Variants in PCBP3 observed in about 807,000 individuals in gnomAD.
PCBP3 encodes the protein poly(rC)-binding protein 3.
A neutral mutation model predicts 52.7 loss-of-function variants in PCBP3; 25 were observed. That is an observed-to-expected ratio of 0.47 (90% confidence interval 0.35 to 0.66). The LOEUF is 0.66. PCBP3 is among the 30% of genes least tolerant of loss of function. PCBP3 has a pLI of 0.01. For missense variants in PCBP3, 391 were observed against 490.3 expected, an observed-to-expected ratio of 0.80 and a Z score of 1.91; for synonymous variants, 162 against 183.0, an observed-to-expected ratio of 0.89 and a Z score of 0.93.
intron 12 of PCBP3, chr21:45,915,046 C>G (rs1335892450): frequency 6.6e-6 from 1 of 152,268 alleles, no homozygotes; most frequent in Non-Finnish European, 1.5e-5. Context: ...TCCCTTCCCT[C>G]CCAGGGTCCC....
intron 4 of PCBP3, among the ~76,000 whole-genome samples, chr21:45,838,353 A>T (rs577761874): frequency 1.1e-4 from 16 of 152,146 alleles, no homozygotes; most frequent in South Asian, 4.2e-4. Flanking sequence ...ATTTTCTTCC[A>T]CAGACCACCT....
At chr21:45,664,612 TTTTC>T (rs931403909) in intron 1 of PCBP3, among the ~76,000 whole-genome samples, 2 of 104,952 alleles carry the variant, frequency 1.9e-5, no homozygotes, top group African/African-American at 3.5e-5. Flanking sequence ...TTAATTTTTT[TTTTC>T]TTTTCTTTTT....
intron 4 of PCBP3, among the ~76,000 whole-genome samples, chr21:45,824,113 G>A (rs2093237398): frequency 6.6e-6 from 1 of 152,164 alleles, no homozygotes; most frequent in African/African-American, 2.4e-5. Flanking sequence ...ATCCTAAAGT[G>A]GCTATTTTTG....
At chr21:45,884,565 C>T (rs1160968594) in intron 5 of PCBP3, among the ~76,000 whole-genome samples, 5 of 151,760 alleles carry the variant, frequency 3.3e-5, no homozygotes, top group Admixed American at 2.0e-4. Context: ...CGTGTGTGTG[C>T]ATGTATAATG....
intron 1 of PCBP3, among the ~76,000 whole-genome samples, chr21:45,647,029 C>T (rs1011071548): frequency 1.3e-5 from 2 of 150,378 alleles, no homozygotes; most frequent in Non-Finnish European, 2.9e-5. Flanking sequence ...TTAATGTTGT[C>T]AGTTACTTTA....
At chr21:45,931,190 C>T (rs1007412721) in intron 15 of PCBP3, among the ~76,000 whole-genome samples, 3 of 152,234 alleles carry the variant, frequency 2.0e-5, no homozygotes, top group Admixed American at 6.5e-5. Context: ...GCACCCCTCC[C>T]GACTTGCATT....
intron 4 of PCBP3, among the ~76,000 whole-genome samples, chr21:45,757,816 C>T (rs1048376092): frequency 1.1e-4 from 16 of 152,168 alleles, no homozygotes; most frequent in African/African-American, 3.9e-4. Flanking sequence ...GTATTCTAGT[C>T]AGAAATCATT....
intron 13 of PCBP3, 69 bp from the exon 14 acceptor site, chr21:45,929,848 G>C: frequency 8.4e-7 from 1 of 1,185,490 alleles, no homozygotes. Context: ...TGTTACTGCC[G>C]TTTTAATTTG....
intron 13 of PCBP3, among the ~76,000 whole-genome samples, chr21:45,927,931 C>A (rs988377134): frequency 3.3e-5 from 5 of 152,194 alleles, no homozygotes; most frequent in Non-Finnish European, 7.4e-5. Flanking sequence ...GCTCCTGAGC[C>A]CCACTAGGAG....
intron 1 of PCBP3, among the ~76,000 whole-genome samples, chr21:45,648,461 C>A (rs551683652): frequency 7.9e-5 from 12 of 152,224 alleles, no homozygotes; most frequent in Non-Finnish European, 1.5e-4. Flanking sequence ...TCTCTCTCAG[C>A]AGCTTCCACA....
At position 45,906,005 on chromosome 21, in the gene PCBP3, C is replaced by A. The variant is rs1331444475; in HGVS notation, c.340-3350C>A. On this transcript the variant is annotated intron_variant, in intron 9 of 17. Coordinates refer to ENST00000681687, the MANE Select transcript of PCBP3 (RefSeq NM_001384156.1). ...CGTCTCTGAACAAAGAGGGCGTCAC[C>A]ACGATGTGTCAGAACTGAATCGCTA... Among the ~76,000 whole-genome samples, 5 of 152,286 alleles carry A rather than the reference C, an allele frequency of 3.3e-5. No homozygotes were observed. In the South Asian group the frequency reaches 1.0e-3, roughly 32 times the overall value.
At chr21:45,820,758 G>T (rs1167600695) in intron 4 of PCBP3, among the ~76,000 whole-genome samples, 1 of 152,156 alleles carries the variant, frequency 6.6e-6, no homozygotes, top group Non-Finnish European at 1.5e-5. Flanking sequence ...CTCGTGGCAG[G>T]GCTGACGTAT....
At chr21:45,648,096 C>G (rs187917309) in intron 1 of PCBP3, among the ~76,000 whole-genome samples, 1 of 152,198 alleles carries the variant, frequency 6.6e-6, no homozygotes, top group Admixed American at 6.5e-5. Context: ...ATTCTGTCCC[C>G]TAGAGACTTG....
chr21:45,922,478 TC>T (rs2074575939), intron 13 of PCBP3, among the ~76,000 whole-genome samples: 1 of 151,950 alleles, frequency 6.6e-6, no homozygotes, highest in African/African-American at 2.4e-5. Flanking sequence ...TTACCTGAGC[TC>T]CGGCAGTCGA....
intron 16 of PCBP3, among the ~76,000 whole-genome samples, chr21:45,935,884 T>C (rs576745120): frequency 1.3e-5 from 2 of 152,244 alleles, no homozygotes; most frequent in African/African-American, 4.8e-5. Context: ...GCACGGGTCT[T>C]GAGGATAGAG....
intron 10 of PCBP3, among the ~76,000 whole-genome samples, chr21:45,910,657 C>T (rs1021915023): frequency 7.2e-5 from 11 of 152,304 alleles, no homozygotes; most frequent in African/African-American, 2.6e-4. Context: ...TTAGATGCCT[C>T]CTTGTCTAGC....
rs1029647441 is a variant in PCBP3 at position 45,908,119 on chromosome 21, T to C, written c.340-1236T>C. On this transcript the variant is annotated intron_variant, in intron 9 of 17. Transcript: ENST00000681687. ...TGAACAATTTCGTTAAAGTCAAATG[T>C]TCCCCCAGGGCAGCCAGTGAGGCCC... 3.7e-4 allele frequency among the ~76,000 whole-genome samples: 56 copies of C among 152,202 alleles called. 1 individual carries two copies. Among genetic ancestry groups the C allele is most frequent in the Admixed American group, 6.5e-5 (1 of 15,286 alleles).
chr21:45,749,711 G>A (rs1428963367), intron 3 of PCBP3: 1 of 152,314 alleles, frequency 6.6e-6, no homozygotes, highest in Admixed American at 6.5e-5. Flanking sequence ...TCCCTGAGGA[G>A]TCAAGAGGGT....
intron 4 of PCBP3, chr21:45,762,931 A>G (rs981216848): frequency 1.3e-5 from 2 of 152,226 alleles, no homozygotes; most frequent in Admixed American, 1.3e-4. Flanking sequence ...CATGTGAGCC[A>G]TGGCTTTTCT....
Sources: allele counts gnomAD v4.1 joint callset (sites outside exome capture counted in the v4.1 genomes callset), GRCh38; gene constraint gnomAD v4.1.1; transcripts MANE v1.5; gene names NCBI Gene and HGNC (gene_info 2026-07-23, HGNC 2026-07-21).